Variants in UGT2B7 observed in about 807,000 individuals in gnomAD.
The protein encoded by UGT2B7 is UDP-glucuronosyltransferase 2B7.
Under a neutral mutation model 51.9 loss-of-function variants are expected in UGT2B7, and 51 were observed. That is an observed-to-expected ratio of 0.98 (90% confidence interval 0.78 to 1.24). UGT2B7 has a LOEUF of 1.24. Among genes scored for constraint, UGT2B7 ranks in the 50% most tolerant of loss-of-function variants. The pLI, the probability that UGT2B7 is intolerant of heterozygous loss-of-function variation, is 0.00. For missense variants in UGT2B7, 727 were observed against 628.4 expected, an observed-to-expected ratio of 1.16 and a Z score of -1.68; for synonymous variants, 225 against 211.6, an observed-to-expected ratio of 1.06 and a Z score of -0.55.
At chr4:69,063,212 G>C (rs1393232694) in intron 1 of UGT2B7, among the ~76,000 whole-genome samples, 1 of 149,480 alleles carries the variant, frequency 6.7e-6, no homozygotes, top group East Asian at 2.0e-4. Flanking sequence ...CCAGCTACTT[G>C]GGAGGCTGAG....
At chr4:69,087,589 C>T (rs1033271530) in intron 1 of UGT2B7, among the ~76,000 whole-genome samples, 6 of 151,950 alleles carry the variant, frequency 3.9e-5, no homozygotes, top group African/African-American at 1.2e-4. Flanking sequence ...TCCAATAAAA[C>T]AATTCTCCTT....
chr4:69,097,034 C>T lies in UGT2B7; in HGVS notation c.514C>T (p.Leu172Phe), dbSNP rs1719261293. 1 of 1,613,722 alleles carries T rather than the reference C, an allele frequency of 6.2e-7. No individual in the cohort carries two copies. Among genetic ancestry groups the T allele is most frequent in the Admixed American group, 1.7e-5 (1 of 59,968 alleles). Reference sequence around the variant, plus strand: ...ATTTAACATACCCTTTGTGTACAGTCTCAGCTTCTCTCCTGGCTACACTTT... The same window carrying T: ...ATTTAACATACCCTTTGTGTACAGTTTCAGCTTCTCTCCTGGCTACACTTT... ...ELFNIPFVYS[L>F]SFSPGYTFEK... Residue 172 changes from leucine to phenylalanine, a missense_variant, in exon 1 of 6, where the codon CTC becomes TTC. Physicochemically the swap from Leu to Phe is conservative, Grantham distance 22. Transcript: ENST00000305231.
Position 69,107,282 on chromosome 4 carries a change from A to G in UGT2B7, c.1090+20A>G. 6.3e-7 allele frequency: 1 copy of G among 1,581,738 alleles called. No individual in the cohort carries two copies. The highest frequency in any genetic ancestry group is 1.4e-5 in the African/African-American group (1 of 73,836). ...TTCTAGGTAAGACTCTGGTGAACAA[A>G]TACTGAATATATTAGTAACAGCACA... is the stretch of plus-strand genomic sequence containing the variant. On this transcript the variant is annotated intron_variant, in intron 4 of 5. Coordinates refer to ENST00000305231, the MANE Select transcript of UGT2B7 (RefSeq NM_001074.4).
chr4:69,092,322 T>C (rs1466682359), upstream of UGT2B7, among the ~76,000 whole-genome samples: 1 of 152,088 alleles, frequency 6.6e-6, no homozygotes, highest in African/African-American at 2.4e-5. Flanking sequence ...TTGAATTGGG[T>C]GGAATTTTTA....
At chr4:69,085,596 G>T (rs938507064) in intron 1 of UGT2B7, among the ~76,000 whole-genome samples, 1 of 151,984 alleles carries the variant, frequency 6.6e-6, no homozygotes, top group South Asian at 2.1e-4. Flanking sequence ...TATGGTTTTA[G>T]GTTTCACATA....
At chr4:69,086,786 A>AT (rs546984352) in intron 1 of UGT2B7, among the ~76,000 whole-genome samples, 1 of 151,506 alleles carries the variant, frequency 6.6e-6, no homozygotes, top group East Asian at 1.9e-4. Flanking sequence ...CTACTACTGT[A>AT]TTTTTTTTAT....
intron 1 of UGT2B7, among the ~76,000 whole-genome samples, chr4:69,076,308 A>T (rs1312379064): frequency 6.6e-6 from 1 of 152,172 alleles, no homozygotes; most frequent in Non-Finnish European, 1.5e-5. Context: ...AGCAATGGGA[A>T]TGCTGAGTCA....
chr4:69,089,330 A>C (rs755942202), intron 1 of UGT2B7: 8 of 152,222 alleles, frequency 5.3e-5, no homozygotes, highest in Non-Finnish European at 1.2e-4. Context: ...TTTCTTGTAG[A>C]GACTGGCAGT....
At chr4:69,057,332 TGCTACACACACACACAC>T (rs1395563417) in intron 1 of UGT2B7, among the ~76,000 whole-genome samples, 2 of 152,110 alleles carry the variant, frequency 1.3e-5, no homozygotes, top group Non-Finnish European at 2.9e-5. Flanking sequence ...TGGCTTGTCC[TGCTACACACACACACAC>T]GCACACTTGC....
At chr4:69,078,072 T>C (rs1196567632) in intron 1 of UGT2B7, among the ~76,000 whole-genome samples, 1 of 152,236 alleles carries the variant, frequency 6.6e-6, no homozygotes, top group African/African-American at 2.4e-5. Context: ...TTTTTTTTCA[T>C]TGGTTCTTTT....
At chr4:69,064,019 GGAAAGAAAGAAAGAAAGAAAGAAAGAAA>G (rs71204072) in intron 1 of UGT2B7, among the ~76,000 whole-genome samples, 23 of 60,210 alleles carry the variant, frequency 3.8e-4, no homozygotes, top group African/African-American at 6.1e-4. Context: ...AGATGAGATG[GGAAAGAAAGAAAGAAAGAAAGAAAGAAA>G]GAAAGAAAGA....
chr4:69,096,411 G>T, upstream of UGT2B7: 1 of 1,534,838 alleles, frequency 6.5e-7, no homozygotes, highest in Non-Finnish European at 8.8e-7. Flanking sequence ...TATGTACTTT[G>T]ACTTATAAGG....
chr4:69,098,486 T>C lies in UGT2B7; in HGVS notation c.722-54T>C, dbSNP rs898060570. The C allele has an allele frequency of 7.0e-6, 11 of 1,569,214 alleles. No homozygotes were observed. The African/African-American group carries it at 1.4e-4, about 20-fold the overall frequency. ...ATTATTCTAACCCCTTTCAGAAATT[T>C]ACCTAAAGTAATTATCTTGTGTCAT... On this transcript the variant is annotated intron_variant, in intron 1 of 5. Coordinates refer to ENST00000305231, the MANE Select transcript of UGT2B7 (RefSeq NM_001074.4).
rs1719821447 is a variant in UGT2B7 at position 69,112,812 on chromosome 4, T to C, written c.*76T>C. The C allele has an allele frequency of 2.8e-6, 4 of 1,420,916 alleles. No individual in the cohort carries two copies. The South Asian group carries it at 4.7e-5, about 17-fold the overall frequency. The allele number at this position is 1,420,916 out of a possible 1,614,324, so 88.0% of individuals were successfully genotyped here. ...TTTATTCCAGCAAGAAAGATTGTGA[T>C]GCAAGATTTCTTTCTTCCTGAGACA... On this transcript the variant is annotated 3_prime_UTR_variant, in exon 6 of 6. Coordinates refer to ENST00000305231, the MANE Select transcript of UGT2B7 (RefSeq NM_001074.4).
intron 2 of UGT2B7, among the ~76,000 whole-genome samples, chr4:69,102,268 A>T (rs184482297): frequency 4.6e-5 from 7 of 152,304 alleles, no homozygotes; most frequent in Admixed American, 4.6e-4. Context: ...TTGTAGAGAA[A>T]CATAAATGTA....
chr4:69,088,246 A>G (rs923790539), intron 1 of UGT2B7, among the ~76,000 whole-genome samples: 3 of 151,946 alleles, frequency 2.0e-5, no homozygotes, highest in African/African-American at 7.2e-5. Flanking sequence ...TTTTCAATTC[A>G]CTTCACATAT....
intron 5 of UGT2B7, among the ~76,000 whole-genome samples, 190 bp downstream of exon 5, chr4:69,108,512 A>C (rs1719680658): frequency 6.6e-6 from 1 of 152,160 alleles, no homozygotes; most frequent in South Asian, 2.1e-4. Context: ...CATCTAAAGA[A>C]TAGCCAGTTA....
chr4:69,096,511 T>TTGCAC lies in UGT2B7; in HGVS notation c.-9_-5dup. On this transcript the variant is annotated 5_prime_UTR_variant, in exon 1 of 6. Coordinates refer to ENST00000305231, the MANE Select transcript of UGT2B7 (RefSeq NM_001074.4). ...CAGCAACTGGAAAACAAGCATTGCA[T>TTGCAC]TGCACCAGGATGTCTGTGAAATGGA... 1.9e-6 allele frequency: 3 copies of TTGCAC among 1,613,418 alleles called. No homozygotes were observed. Among genetic ancestry groups the TTGCAC allele is most frequent in the Non-Finnish European group, 2.5e-6 (3 of 1,179,710 alleles).
intron 5 of UGT2B7, among the ~76,000 whole-genome samples, chr4:69,110,083 T>C (rs1719729004): frequency 6.6e-6 from 1 of 151,988 alleles, no homozygotes; most frequent in Admixed American, 6.6e-5. Flanking sequence ...AGTAAAGACA[T>C]AAAACATTTG....
Sources: allele counts gnomAD v4.1 joint callset (sites outside exome capture counted in the v4.1 genomes callset), GRCh38; gene constraint gnomAD v4.1.1; transcripts MANE v1.5; gene names NCBI Gene and HGNC (gene_info 2026-07-23, HGNC 2026-07-21).